IL12RB2: variants seen among roughly 807,000 people sequenced by gnomAD.
IL12RB2 encodes interleukin 12 receptor subunit beta 2.
In IL12RB2, 82 loss-of-function variants were observed where a neutral mutation model predicts 89.4. That is an observed-to-expected ratio of 0.92 (90% CI 0.77 to 1.10). The LOEUF (loss-of-function observed/expected upper bound fraction) is 1.10. Ranked by LOEUF, IL12RB2 falls within the 50% of genes least tolerant of loss-of-function variation. The pLI, the probability that IL12RB2 is intolerant of heterozygous loss-of-function variation, is 0.00. For missense variants in IL12RB2, 963 were observed against 1,031.9 expected (o/e 0.93, Z 0.92); for synonymous variants, 368 against 370.1 (o/e 0.99, Z 0.07).
Position 67,327,167 on chromosome 1 carries a change from G to A in IL12RB2, c.479+318G>A, listed in dbSNP as rs553897221. 2.0e-4 allele frequency among the ~76,000 whole-genome samples: 30 copies of A among 151,912 alleles called. No homozygotes were observed. In the South Asian group the frequency reaches 5.8e-3, roughly 29 times the overall value. Reference sequence around the variant, plus strand: ...GCAGAGACGGGGTTTCACCATGTTGGCCAGGATGGTCTCGATCTCTTGACC... The same window carrying A: ...GCAGAGACGGGGTTTCACCATGTTGACCAGGATGGTCTCGATCTCTTGACC... On this transcript the variant is annotated intron_variant, in intron 5 of 16. Transcript: ENST00000674203.
chr1:67,355,787 G>A (rs1429758808), intron 10 of IL12RB2, among the ~76,000 whole-genome samples: 2 of 152,196 alleles, frequency 1.3e-5, no homozygotes. Context: ...TTTGAAAGGT[G>A]ACAGGGAGAA....
At chr1:67,371,415 T>C (rs1041761629) in intron 11 of IL12RB2, among the ~76,000 whole-genome samples, 1 of 146,514 alleles carries the variant, frequency 6.8e-6, no homozygotes, top group Admixed American at 6.8e-5. Context: ...TTATTCTTCC[T>C]GAAAAAAAAA....
intron 7 of IL12RB2, among the ~76,000 whole-genome samples, chr1:67,330,400 A>G (rs919490016): frequency 6.6e-6 from 1 of 152,126 alleles, no homozygotes; most frequent in Admixed American, 6.6e-5. Context: ...AGCTGGTTTC[A>G]GGATTCCCCT....
At chr1:67,374,876 A>C (rs1355022638) in intron 13 of IL12RB2, among the ~76,000 whole-genome samples, 3 of 137,614 alleles carry the variant, frequency 2.2e-5, no homozygotes, top group Non-Finnish European at 3.0e-5. Context: ...GCTCTTATGG[A>C]TGTTGAAGAA....
intron 9 of IL12RB2, among the ~76,000 whole-genome samples, chr1:67,339,924 G>A (rs151080809): frequency 1.3e-5 from 2 of 152,244 alleles, no homozygotes; most frequent in East Asian, 3.9e-4. Flanking sequence ...GAGGTTTCCT[G>A]GTGAACTGCA....
intron 16 of IL12RB2, among the ~76,000 whole-genome samples, chr1:67,390,548 G>T (rs1222911370): frequency 2.1e-5 from 3 of 141,184 alleles, no homozygotes; most frequent in African/African-American, 8.0e-5. Flanking sequence ...TGATTTTCCT[G>T]TCTAAGCATA....
At chr1:67,363,211 ATTTTT>A (rs199805464) in intron 10 of IL12RB2, among the ~76,000 whole-genome samples, 1 of 97,222 alleles carries the variant, frequency 1.0e-5, no homozygotes, top group Non-Finnish European at 2.0e-5. Flanking sequence ...AATTATTCTT[ATTTTT>A]TTTTTTTTTT....
chr1:67,354,959 G>C (rs961676414), intron 10 of IL12RB2, among the ~76,000 whole-genome samples: 7 of 152,158 alleles, frequency 4.6e-5, no homozygotes, highest in African/African-American at 1.7e-4. Context: ...TATGATAAAA[G>C]TTACATGCTA....
chr1:67,331,996 T>G (rs921664646), intron 8 of IL12RB2, among the ~76,000 whole-genome samples: 1 of 152,174 alleles, frequency 6.6e-6, no homozygotes, highest in African/African-American at 2.4e-5. Context: ...AAATCTAAAT[T>G]CTTATTTGTG....
intron 16 of IL12RB2, among the ~76,000 whole-genome samples, chr1:67,395,271 A>G (rs1271865688): frequency 7.0e-6 from 1 of 142,462 alleles, no homozygotes; most frequent in Admixed American, 7.0e-5. Context: ...TCGTCTCAAG[A>G]AAAAAAAAAA....
In IL12RB2 at chr1:67,348,205, C is replaced by T. The variant is rs2100823985; in HGVS notation, c.1039-2665C>T. On this transcript the variant is annotated intron_variant, in intron 9 of 16. Coordinates refer to ENST00000674203, the MANE Select transcript of IL12RB2 (RefSeq NM_001374259.2). ...GAAAAAAAGGGATTCTCGGTCTCCA[C>T]CCTCCCCAAACTGATGAACTCATGC... Among the ~76,000 whole-genome samples, 5 of 152,248 alleles carry T rather than the reference C, an allele frequency of 3.3e-5. No homozygotes were observed. The Middle Eastern group carries it at 0.014, about 414-fold the overall frequency.
chr1:67,313,708 C>T (rs893934704), intron 1 of IL12RB2, among the ~76,000 whole-genome samples: 3 of 152,108 alleles, frequency 2.0e-5, no homozygotes, highest in African/African-American at 7.2e-5. Flanking sequence ...TGCTTATAGT[C>T]CCAGCTGCTC....
intron 11 of IL12RB2, 115 bp from the exon 12 acceptor site, chr1:67,372,321 A>T: frequency 1.3e-6 from 1 of 760,006 alleles, no homozygotes; most frequent in South Asian, 1.4e-5. Flanking sequence ...CCATCTTTAA[A>T]CTAGGAAAAG....
At chr1:67,338,078 C>A (rs6688222) in intron 8 of IL12RB2, among the ~76,000 whole-genome samples, 1 of 151,292 alleles carries the variant, frequency 6.6e-6, no homozygotes, top group African/African-American at 2.4e-5. Flanking sequence ...TATGTAATCC[C>A]GGCACTTTGG....
chr1:67,344,192 G>C (rs935528841), intron 9 of IL12RB2, among the ~76,000 whole-genome samples: 1 of 152,164 alleles, frequency 6.6e-6, no homozygotes, highest in Admixed American at 6.5e-5. Context: ...CTGTTCCACG[G>C]AAATATAAGC....
At chr1:67,392,716 C>T (rs758531217) in intron 16 of IL12RB2, among the ~76,000 whole-genome samples, 5 of 150,862 alleles carry the variant, frequency 3.3e-5, no homozygotes, top group Admixed American at 6.6e-5. Flanking sequence ...CCGCAAGCTC[C>T]GCCTCCTGGG....
intron 8 of IL12RB2, among the ~76,000 whole-genome samples, chr1:67,336,383 G>A (rs78151138): frequency 3.9e-5 from 6 of 152,294 alleles, no homozygotes; most frequent in African/African-American, 1.4e-4. Flanking sequence ...TAGGTGGTTA[G>A]TGAACGTCAT....
At chr1:67,308,422 G>A (rs1654569312) in intron 1 of IL12RB2, among the ~76,000 whole-genome samples, 1 of 152,236 alleles carries the variant, frequency 6.6e-6, no homozygotes, top group East Asian at 1.9e-4. Flanking sequence ...AAGATATTGG[G>A]GGGGGCCTTC....
intron 10 of IL12RB2, among the ~76,000 whole-genome samples, chr1:67,360,194 G>A (rs554964833): frequency 2.0e-5 from 3 of 152,190 alleles, no homozygotes; most frequent in South Asian, 2.1e-4. Flanking sequence ...TAGAGGTCAG[G>A]AGTTTGAAGC....
Sources: gnomAD v4.1 joint callset for allele counts (sites outside exome capture counted in the v4.1 genomes callset) on GRCh38, gnomAD v4.1.1 for gene constraint, MANE v1.5 for transcripts, NCBI Gene and HGNC (gene_info 2026-07-23, HGNC 2026-07-21) for gene names.